MSI2: variants seen among roughly 807,000 people sequenced by gnomAD.
MSI2 encodes RNA-binding protein Musashi homolog 2.
Under a neutral mutation model 45.6 loss-of-function variants are expected in MSI2, and 17 were observed. The observed-to-expected ratio is 0.37, with a 90% CI of 0.26 to 0.56. MSI2 has a LOEUF of 0.56. Among genes scored for constraint, MSI2 ranks in the 20% least tolerant of loss-of-function variants. The probability of loss-of-function intolerance (pLI) is 0.77; values close to 1 mark genes in which losing one functional copy is unlikely to be tolerated. For synonymous variants in MSI2, 156 were observed against 158.2 expected, an observed-to-expected ratio of 0.99 and a Z score of 0.11; for missense variants, 293 against 444.2, an observed-to-expected ratio of 0.66 and a Z score of 3.06.
intron 6 of MSI2, among the ~76,000 whole-genome samples, chr17:57,453,837 A>G (rs570774963): frequency 2.2e-4 from 33 of 152,300 alleles, no homozygotes; most frequent in African/African-American, 7.9e-4. Flanking sequence ...TTCCCACTCT[A>G]CAGGTGAGGG....
intron 7 of MSI2, among the ~76,000 whole-genome samples, chr17:57,593,373 A>G (rs1236003700): frequency 6.6e-6 from 1 of 152,136 alleles, no homozygotes; most frequent in Admixed American, 6.5e-5. Flanking sequence ...GCACTCCCCC[A>G]AGAGGTTCTG....
chr17:57,383,641 A>G (rs1211145625), intron 5 of MSI2, among the ~76,000 whole-genome samples: 2 of 152,134 alleles, frequency 1.3e-5, no homozygotes, highest in Non-Finnish European at 2.9e-5. Context: ...AGCTTGGGCA[A>G]CAGAGCAAGA....
At chr17:57,343,980 T>A (rs1374246721) in intron 5 of MSI2, among the ~76,000 whole-genome samples, 3 of 152,238 alleles carry the variant, frequency 2.0e-5, no homozygotes, top group Non-Finnish European at 4.4e-5. Flanking sequence ...TGCCTCTCTT[T>A]GATCACCTGG....
intron 5 of MSI2, among the ~76,000 whole-genome samples, chr17:57,390,290 C>T (rs2083765139): frequency 6.6e-6 from 1 of 152,144 alleles, no homozygotes; most frequent in South Asian, 2.1e-4. Context: ...TCTATCCTTG[C>T]CATTTTTCCC....
intron 8 of MSI2, among the ~76,000 whole-genome samples, chr17:57,602,454 G>A (rs1906004209): frequency 6.6e-6 from 1 of 152,234 alleles, no homozygotes; most frequent in Non-Finnish European, 1.5e-5. Flanking sequence ...CCAGGTCTGA[G>A]TGATTCTCGT....
At chr17:57,380,453 G>T (rs185553916) in intron 5 of MSI2, among the ~76,000 whole-genome samples, 4 of 152,140 alleles carry the variant, frequency 2.6e-5, no homozygotes, top group African/African-American at 9.7e-5. Context: ...GGTTAGTAGC[G>T]GTGCTTGTCA....
intron 6 of MSI2, among the ~76,000 whole-genome samples, chr17:57,439,979 A>G (rs1160574305): frequency 6.6e-6 from 1 of 152,140 alleles, no homozygotes; most frequent in Non-Finnish European, 1.5e-5. Context: ...CTAAGATTCA[A>G]TACCAATGGT....
intron 10 of MSI2, among the ~76,000 whole-genome samples, chr17:57,639,920 G>A (rs1229381627): frequency 5.3e-5 from 8 of 152,120 alleles, no homozygotes; most frequent in South Asian, 4.1e-4. Flanking sequence ...GGTGTTTAGC[G>A]TATAGTCACC....
Position 57,662,310 on chromosome 17 carries a change from G to A in MSI2, c.790+10149G>A, listed in dbSNP as rs566835160. 2.6e-5 allele frequency among the ~76,000 whole-genome samples: 4 copies of A among 152,226 alleles called. No homozygotes were observed. In the East Asian group the frequency reaches 7.7e-4, roughly 29 times the overall value. ...ATAGGCTAAGAGGGTTCCAGGGGAAGGTATCTTGTAAGTGGTCAATAGAAT... is the reference window on the plus strand; with the variant it reads ...ATAGGCTAAGAGGGTTCCAGGGGAAAGTATCTTGTAAGTGGTCAATAGAAT... On this transcript the variant is annotated intron_variant, in intron 11 of 13. Transcript: ENST00000284073.
intron 6 of MSI2, among the ~76,000 whole-genome samples, chr17:57,489,385 C>T (rs982939995): frequency 2.0e-5 from 3 of 152,118 alleles, no homozygotes; most frequent in Admixed American, 6.5e-5. Context: ...GCAGGTGCTC[C>T]CAGCTGCTTG....
intron 6 of MSI2, among the ~76,000 whole-genome samples, chr17:57,461,533 ATT>A (rs34312371): frequency 0.44 from 60,060 of 136,158 alleles, 15,430 homozygotes; most frequent in South Asian, 0.71. Context: ...CAACTCTTGG[ATT>A]TTTTTTTTTT....
chr17:57,553,239 G>A (rs555615126), intron 7 of MSI2, among the ~76,000 whole-genome samples: 4 of 152,164 alleles, frequency 2.6e-5, no homozygotes, highest in Non-Finnish European at 2.9e-5. Flanking sequence ...CACTGGACTG[G>A]GGACCATAGT....
At chr17:57,614,053 A>AT (rs979225207) in intron 8 of MSI2, among the ~76,000 whole-genome samples, 1 of 151,526 alleles carries the variant, frequency 6.6e-6, no homozygotes, top group South Asian at 2.1e-4. Context: ...CGTTTTATTT[A>AT]TTTTTTTTAT....
At chr17:57,365,282 C>A (rs1043377489) in intron 5 of MSI2, among the ~76,000 whole-genome samples, 2 of 152,186 alleles carry the variant, frequency 1.3e-5, no homozygotes, top group African/African-American at 4.8e-5. Context: ...CATGATGTTT[C>A]TAAAGCTGGA....
At chr17:57,557,463 T>C (rs2087463651) in intron 7 of MSI2, among the ~76,000 whole-genome samples, 1 of 152,240 alleles carries the variant, frequency 6.6e-6, no homozygotes, top group Non-Finnish European at 1.5e-5. Context: ...AAGTTTGGAA[T>C]GAATTTGGCA....
intron 7 of MSI2, among the ~76,000 whole-genome samples, chr17:57,592,661 T>C (rs755205913): frequency 1.3e-5 from 2 of 152,122 alleles, no homozygotes; most frequent in African/African-American, 2.4e-5. Context: ...ATCAGGAAAA[T>C]CATTTTTGTG....
intron 7 of MSI2, among the ~76,000 whole-genome samples, chr17:57,565,329 C>T (rs1215473703): frequency 6.6e-6 from 1 of 152,234 alleles, no homozygotes; most frequent in Non-Finnish European, 1.5e-5. Context: ...CAGCCTCACG[C>T]TGTACCATTC....
At chr17:57,582,901 C>A (rs1674713992) in intron 7 of MSI2, among the ~76,000 whole-genome samples, 1 of 152,140 alleles carries the variant, frequency 6.6e-6, no homozygotes, top group Non-Finnish European at 1.5e-5. Context: ...GACCTAGTTA[C>A]ATCATTTTTA....
intron 5 of MSI2, among the ~76,000 whole-genome samples, chr17:57,275,623 G>A (rs1046074772): frequency 6.6e-6 from 1 of 152,182 alleles, no homozygotes; most frequent in Admixed American, 6.5e-5. Context: ...TTCACTTCAT[G>A]TCCACTGGGT....
Sources: allele counts gnomAD v4.1 joint callset (sites outside exome capture counted in the v4.1 genomes callset), GRCh38; gene constraint gnomAD v4.1.1; transcripts MANE v1.5; gene names NCBI Gene and HGNC (gene_info 2026-07-23, HGNC 2026-07-21).